Variants in RPTOR observed in about 807,000 individuals in gnomAD.
RPTOR encodes the protein regulatory associated protein of MTOR complex 1, also known as regulatory-associated protein of mTOR.
A neutral mutation model predicts 169.9 loss-of-function variants in RPTOR; 21 were observed. The ratio of observed to expected loss-of-function variants is 0.12; its 90% CI spans 0.09 to 0.18. The LOEUF (loss-of-function observed/expected upper bound fraction) is 0.18, where lower values mean the gene tolerates loss of function less well. RPTOR is among the 10% of genes least tolerant of loss of function. The probability of loss-of-function intolerance (pLI) is 1.00; values close to 1 mark genes in which losing one functional copy is unlikely to be tolerated. For missense variants in RPTOR, 1,133 were observed against 1,855.9 expected, an observed-to-expected ratio of 0.61 and a Z score of 7.16; for synonymous variants, 732 against 753.2, an observed-to-expected ratio of 0.97 and a Z score of 0.46.
At chr17:80,672,873 T>G (rs111695207) in intron 3 of RPTOR, among the ~76,000 whole-genome samples, 11 of 152,184 alleles carry the variant, frequency 7.2e-5, no homozygotes, top group African/African-American at 2.7e-4. Flanking sequence ...CCATTTAATC[T>G]GTCCCTAAAG....
intron 29 of RPTOR, among the ~76,000 whole-genome samples, chr17:80,958,635 T>G (rs898130268): frequency 6.6e-6 from 1 of 151,924 alleles, no homozygotes; most frequent in Admixed American, 6.6e-5. Context: ...GAATGGTCTC[T>G]ATCTCCTGAC....
At chr17:80,816,375 C>G (rs1242739915) in intron 7 of RPTOR, among the ~76,000 whole-genome samples, 1 of 152,180 alleles carries the variant, frequency 6.6e-6, no homozygotes, top group African/African-American at 2.4e-5. Flanking sequence ...TCCGGGGTTT[C>G]GAGCCTCAGT....
intron 7 of RPTOR, chr17:80,801,590 A>G (rs952584911): frequency 8.5e-5 from 13 of 152,372 alleles, no homozygotes; most frequent in South Asian, 2.1e-4. Flanking sequence ...GAGGGAAGTC[A>G]TACACATGGA....
Position 80,707,976 on chromosome 17 carries a change from G to A in RPTOR, c.484G>A (p.Gly162Arg), listed in dbSNP as rs2066154351. 3 of 1,613,116 alleles carry A rather than the reference G, an allele frequency of 1.9e-6. No individual in the cohort carries two copies. Among genetic ancestry groups the A allele is most frequent in the Non-Finnish European group, 1.7e-6 (2 of 1,179,924 alleles). ...GHGVPRPTVN[G>R]EVWVFNKNYT... ...CGGGGTGCCCCGGCCCACAGTCAACGGGGAGGTCTGGGTCTTCAACAAGGT... is the reference window on the plus strand; with the variant it reads ...CGGGGTGCCCCGGCCCACAGTCAACAGGGAGGTCTGGGTCTTCAACAAGGT... The change falls in exon 4 of 34, where the codon GGG (glycine) becomes AGG (arginine). Residue 162 changes from glycine (G) to arginine (R), a missense_variant. Gly to Arg is a moderately radical substitution (Grantham distance 125). Coordinates refer to ENST00000306801, the MANE Select transcript of RPTOR (RefSeq NM_020761.3). This position sits in a 1 kb window ranked among gnomAD's most constrained non-coding sequence, Gnocchi z 5.0.
rs931461288 is a variant in RPTOR, at chr17:80,965,158, C to T, written c.*828C>T. Reference sequence around the variant, plus strand: ...TTTCCCTCCGAAGGGCTGCTCTTCCCCACAGGCGCGGGGACAGCAGCCCGA... The same window carrying T: ...TTTCCCTCCGAAGGGCTGCTCTTCCTCACAGGCGCGGGGACAGCAGCCCGA... On this transcript the variant is annotated 3_prime_UTR_variant, in exon 34 of 34. Coordinates refer to ENST00000306801, the MANE Select transcript of RPTOR (RefSeq NM_020761.3). 3 of 233,240 alleles carry T rather than the reference C, an allele frequency of 1.3e-5. No individual in the cohort carries two copies. Among genetic ancestry groups the T allele is most frequent in the Non-Finnish European group, 2.5e-5 (3 of 118,086 alleles). 14.4% of individuals were successfully genotyped at this position (233,240 alleles called of 1,614,324 possible).
At chr17:80,785,712 A>G (rs905345672) in intron 6 of RPTOR, among the ~76,000 whole-genome samples, 2 of 152,128 alleles carry the variant, frequency 1.3e-5, no homozygotes, top group Non-Finnish European at 2.9e-5. Context: ...TGAGTTGGGT[A>G]TGACAAGAAT....
intron 21 of RPTOR, 93 bp downstream of exon 21, chr17:80,909,022 CA>C: frequency 1.2e-6 from 1 of 857,278 alleles, no homozygotes; most frequent in East Asian, 2.4e-5. Flanking sequence ...GGGTCCACAC[CA>C]CAGTTTAGAA....
At chr17:80,821,554 G>A (rs1227762217) in intron 7 of RPTOR, among the ~76,000 whole-genome samples, 2 of 152,108 alleles carry the variant, frequency 1.3e-5, no homozygotes, top group Admixed American at 6.5e-5. Context: ...TGCCCCATGC[G>A]AAATGGCAGC....
At position 80,959,930 on chromosome 17, in the gene RPTOR, T is replaced by C; in HGVS notation, c.3478-148T>C. 1 of 907,840 alleles carries C rather than the reference T, an allele frequency of 1.1e-6. No individual in the cohort carries two copies. Among genetic ancestry groups the C allele is most frequent in the Non-Finnish European group, 1.7e-6 (1 of 604,092 alleles). 56.2% of individuals were successfully genotyped at this position (907,840 alleles called of 1,614,324 possible). A position where few individuals can be genotyped will look rare whatever the true frequency, so the allele number is the denominator to read the frequency against. ...CCTGGGCTCCCCAGGCCTTTGATGC[T>C]TCCCTGGATAGAGAGAAAGGCCCCT... is the stretch of plus-strand genomic sequence containing the variant. On this transcript the variant is annotated intron_variant, in intron 29 of 33. Transcript: ENST00000306801. This position sits in a 1 kb window ranked among gnomAD's most constrained non-coding sequence, Gnocchi z 6.7.
chr17:80,669,145 C>T (rs1036790671), intron 3 of RPTOR, among the ~76,000 whole-genome samples: 21 of 152,182 alleles, frequency 1.4e-4, no homozygotes, highest in African/African-American at 4.8e-4. Context: ...CAGCCAGGGG[C>T]TGGGGGCTTC....
chr17:80,736,173 A>T lies in RPTOR; in HGVS notation c.654+5467A>T, dbSNP rs532319763. On this transcript the variant is annotated intron_variant, in intron 5 of 33. Transcript: ENST00000306801. The stretch of plus-strand genomic sequence containing the variant: ...GCAATAGAGTGAGACCCCATCTCTT[A>T]AAAAAAAAAAAAGTTCAGCCCATGG... Among the ~76,000 whole-genome samples the T allele has an allele frequency of 5.6e-3, 793 of 140,848 alleles. 5 individuals are homozygous for T. The highest frequency in any genetic ancestry group is 8.9e-3 in the Non-Finnish European group (561 of 63,210). The allele number at this position is 140,848 out of a possible 152,430, so 92.4% of individuals were successfully genotyped here. A position where few individuals can be genotyped will look rare whatever the true frequency, so the allele number is the denominator to read the frequency against.
chr17:80,794,482 C>G (rs974033102), intron 7 of RPTOR, among the ~76,000 whole-genome samples: 2 of 152,174 alleles, frequency 1.3e-5, no homozygotes, highest in Non-Finnish European at 2.9e-5. Flanking sequence ...CAGAATGGTG[C>G]GGCCACTCTG....
chr17:80,700,970 T>C (rs1276548941), intron 3 of RPTOR, among the ~76,000 whole-genome samples: 1 of 152,026 alleles, frequency 6.6e-6, no homozygotes, highest in African/African-American at 2.4e-5. Flanking sequence ...CAATGATTGA[T>C]GACATAAAAA....
chr17:80,890,040 G>A (rs1292943197), intron 17 of RPTOR, among the ~76,000 whole-genome samples: 1 of 150,102 alleles, frequency 6.7e-6, no homozygotes, highest in Non-Finnish European at 1.5e-5. Context: ...CGGGAGTGAG[G>A]GAGGCCCCTG....
chr17:80,721,268 G>A lies in RPTOR; in HGVS notation c.508-9292G>A, dbSNP rs2066283767. Among the ~76,000 whole-genome samples the A allele has an allele frequency of 6.6e-6, 1 of 151,324 alleles. No individual in the cohort carries two copies. Among genetic ancestry groups the A allele is most frequent in the Non-Finnish European group, 1.5e-5 (1 of 68,036 alleles). ...CAGTAGGATGAAAGATGTCGTAGCA[G>A]CACAGGCAGCACTGTGGAAACTGTT... On this transcript the variant is annotated intron_variant, in intron 4 of 33. Transcript: ENST00000306801. The surrounding 1 kb of genome is among the most constrained non-coding windows in gnomAD (Gnocchi z 4.7).
intron 4 of RPTOR, among the ~76,000 whole-genome samples, chr17:80,720,986 G>C (rs988876437): frequency 6.6e-6 from 1 of 150,934 alleles, no homozygotes; most frequent in Non-Finnish European, 1.5e-5. Context: ...ACACTTCCCC[G>C]ACCCCTTGTT....
intron 3 of RPTOR, among the ~76,000 whole-genome samples, chr17:80,655,924 C>T (rs1208324295): frequency 1.3e-5 from 2 of 151,952 alleles, no homozygotes; most frequent in Non-Finnish European, 2.9e-5. Flanking sequence ...TGGATCTGCC[C>T]CTCCTCCACT....
At chr17:80,614,099 C>A (rs891174987) in intron 1 of RPTOR, among the ~76,000 whole-genome samples, 1 of 152,140 alleles carries the variant, frequency 6.6e-6, no homozygotes, top group Non-Finnish European at 1.5e-5. Context: ...ATGTCAGCAC[C>A]CCTAGGTGCT....
chr17:80,784,164 C>T (rs1441771202), intron 6 of RPTOR, among the ~76,000 whole-genome samples: 5 of 151,602 alleles, frequency 3.3e-5, no homozygotes, highest in South Asian at 4.2e-4. Context: ...GTGCTGTCCA[C>T]GCTGGCCTCA....
Sources: allele counts gnomAD v4.1 joint callset (sites outside exome capture counted in the v4.1 genomes callset), GRCh38; gene constraint gnomAD v4.1.1; non-coding constraint Gnocchi (gnomAD v3.1); transcripts MANE v1.5; gene names NCBI Gene and HGNC (gene_info 2026-07-23, HGNC 2026-07-21).